FAM163A: variants seen among roughly 807,000 people sequenced by gnomAD.
FAM163A encodes the protein protein FAM163A.
FAM163A carries 7 observed loss-of-function variants against 12.0 expected under a neutral mutation model. The observed-to-expected ratio is 0.58, with a 90% CI of 0.33 to 1.10. The LOEUF is 1.10. FAM163A is among the 50% of genes least tolerant of loss of function. The pLI, the probability that FAM163A is intolerant of heterozygous loss-of-function variation, is 0.03. For synonymous variants in FAM163A, 101 were observed against 91.0 expected (o/e 1.11, Z -0.62); for missense variants, 202 against 218.6 (o/e 0.92, Z 0.48).
chr1:179,801,820 G>C (rs1482251160), intron 1 of FAM163A, among the ~76,000 whole-genome samples: 1 of 152,232 alleles, frequency 6.6e-6, no homozygotes, highest in African/African-American at 2.4e-5. Flanking sequence ...AGAATGTGCA[G>C]ATACCAGGCA....
intron 1 of FAM163A, among the ~76,000 whole-genome samples, chr1:179,791,521 C>T (rs905236432): frequency 1.3e-5 from 2 of 151,736 alleles, no homozygotes; most frequent in Non-Finnish European, 2.9e-5. Flanking sequence ...ACATGAGGCT[C>T]CTAAGGGGTA....
intron 1 of FAM163A, among the ~76,000 whole-genome samples, chr1:179,793,188 C>G (rs570812153): frequency 6.6e-6 from 1 of 152,260 alleles, no homozygotes; most frequent in African/African-American, 2.4e-5. Flanking sequence ...GTTTCTTCAA[C>G]CATTGCTCAC....
In FAM163A at chr1:179,797,867, C is replaced by T. The variant is rs185588893; in HGVS notation, c.-135-9931C>T. 3.3e-5 allele frequency among the ~76,000 whole-genome samples: 5 copies of T among 152,232 alleles called. No homozygotes were observed. In the East Asian group the frequency reaches 7.7e-4, roughly 24 times the overall value. Reference sequence around the variant, plus strand: ...GAATGAGTTGAGAATTACTAAACCCCTATGTGGAATAGGAACCATATGTGT... The same window carrying T: ...GAATGAGTTGAGAATTACTAAACCCTTATGTGGAATAGGAACCATATGTGT... On this transcript the variant is annotated intron_variant, in intron 1 of 4. Transcript: ENST00000341785.
rs1298213213 is a variant in FAM163A at position 179,755,802 on chromosome 1, T to A, written c.-136+12379T>A. On this transcript the variant is annotated intron_variant, in intron 1 of 4. Coordinates refer to ENST00000341785, the MANE Select transcript of FAM163A (RefSeq NM_173509.3). ...CAGATGAGTGCCCATGGATTCAAGGTCTCCGAACTTAGCTGAGTCCTCATG... is the reference window on the plus strand; with the variant it reads ...CAGATGAGTGCCCATGGATTCAAGGACTCCGAACTTAGCTGAGTCCTCATG... Among the ~76,000 whole-genome samples the A allele has an allele frequency of 3.9e-5, 6 of 151,986 alleles. No homozygotes were observed. The South Asian group carries it at 1.2e-3, about 32-fold the overall frequency.
intron 1 of FAM163A, among the ~76,000 whole-genome samples, chr1:179,758,477 GC>G (rs1686346560): frequency 6.6e-6 from 1 of 152,100 alleles, no homozygotes; most frequent in Non-Finnish European, 1.5e-5. Flanking sequence ...CTTTCTCTCT[GC>G]CCCAGCTTTA....
chr1:179,807,501 C>T (rs79470281), intron 1 of FAM163A, among the ~76,000 whole-genome samples: 277 of 152,320 alleles, frequency 1.8e-3, no homozygotes, highest in Non-Finnish European at 3.4e-3. Flanking sequence ...CCCCACTCGC[C>T]GTCACCTCCC....
At chr1:179,811,719 T>C (rs1694729133) in intron 2 of FAM163A, among the ~76,000 whole-genome samples, 1 of 152,198 alleles carries the variant, frequency 6.6e-6, no homozygotes, top group Non-Finnish European at 1.5e-5. Flanking sequence ...GTGCATAGCT[T>C]TGTGAGCACA....
chr1:179,797,109 G>A (rs1217330233), intron 1 of FAM163A, among the ~76,000 whole-genome samples: 4 of 152,236 alleles, frequency 2.6e-5, no homozygotes, highest in South Asian at 4.1e-4. Flanking sequence ...CAGAGCCGTC[G>A]CAGGACTGCC....
chr1:179,807,403 G>A (rs1694089420), intron 1 of FAM163A, among the ~76,000 whole-genome samples: 1 of 152,096 alleles, frequency 6.6e-6, no homozygotes, highest in South Asian at 2.1e-4. Flanking sequence ...TTAAGAGCAG[G>A]GTCAGTCATG....
chr1:179,772,759 C>T (rs938917813), intron 1 of FAM163A, among the ~76,000 whole-genome samples: 1 of 151,854 alleles, frequency 6.6e-6, no homozygotes, highest in Admixed American at 6.6e-5. Context: ...TCTAACAGCT[C>T]CATGGTGTCA....
chr1:179,774,421 T>A (rs571672028), intron 1 of FAM163A, among the ~76,000 whole-genome samples: 14 of 152,358 alleles, frequency 9.2e-5, no homozygotes, highest in African/African-American at 3.1e-4. Context: ...AGGGGTTTCA[T>A]GAATTTTCTA....
At chr1:179,731,550 G>C in the FAM163A span, among the ~76,000 whole-genome samples, 1 of 152,216 alleles carries the variant, frequency 6.6e-6, no homozygotes, top group Non-Finnish European at 1.5e-5. Context: ...GTAAATTTAT[G>C]TGATAGATTT....
At chr1:179,797,550 A>ATTATAT (rs1692508217) in intron 1 of FAM163A, among the ~76,000 whole-genome samples, 2 of 152,204 alleles carry the variant, frequency 1.3e-5, no homozygotes, top group Non-Finnish European at 2.9e-5. Flanking sequence ...TATATTATAT[A>ATTATAT]CTTGAAAATT....
At chr1:179,757,882 T>A (rs978316715) in intron 1 of FAM163A, among the ~76,000 whole-genome samples, 3 of 152,124 alleles carry the variant, frequency 2.0e-5, no homozygotes, top group African/African-American at 7.2e-5. Flanking sequence ...AGAACAAAGG[T>A]TTAGAATAGT....
chr1:179,803,747 T>C (rs1403490811), intron 1 of FAM163A, among the ~76,000 whole-genome samples: 2 of 151,672 alleles, frequency 1.3e-5, no homozygotes, highest in East Asian at 3.9e-4. Context: ...TTTTGTGTTT[T>C]TAATAGAGAC....
intron 1 of FAM163A, among the ~76,000 whole-genome samples, chr1:179,776,026 G>A (rs968291660): frequency 1.3e-5 from 2 of 152,166 alleles, no homozygotes; most frequent in African/African-American, 4.8e-5. Context: ...TGGCATTAGG[G>A]AGATTGTTAC....
At chr1:179,790,665 G>C (rs1408906571) in intron 1 of FAM163A, among the ~76,000 whole-genome samples, 1 of 152,082 alleles carries the variant, frequency 6.6e-6, no homozygotes, top group Admixed American at 6.6e-5. Flanking sequence ...TTAGGATTAG[G>C]TCAGATCACT....
intron 1 of FAM163A, among the ~76,000 whole-genome samples, chr1:179,759,244 G>A (rs767288437): frequency 2.0e-5 from 3 of 152,156 alleles, no homozygotes; most frequent in Non-Finnish European, 4.4e-5. Context: ...AGCCAAAAAT[G>A]TGTTCAGACA....
At position 179,748,717 on chromosome 1, in the gene FAM163A, C is replaced by T. The variant is rs71569268; in HGVS notation, c.-136+5294C>T. On this transcript the variant is annotated intron_variant, in intron 1 of 4. Transcript: ENST00000341785. Reference sequence around the variant, plus strand: ...AGGAACTCTGATAAATTATTAAGTCCGTCTTGGAGAAGGTGATTTTTGAAC... The same window carrying T: ...AGGAACTCTGATAAATTATTAAGTCTGTCTTGGAGAAGGTGATTTTTGAAC... Among the ~76,000 whole-genome samples, 1,044 of 152,200 alleles carry T rather than the reference C, an allele frequency of 6.9e-3. 7 individuals are homozygous for T. Among genetic ancestry groups the T allele is most frequent in the Non-Finnish European group, 9.5e-3 (646 of 68,006 alleles).
Sources: gnomAD v4.1 joint callset for allele counts (sites outside exome capture counted in the v4.1 genomes callset) on GRCh38, gnomAD v4.1.1 for gene constraint, MANE v1.5 for transcripts, NCBI Gene and HGNC (gene_info 2026-07-23, HGNC 2026-07-21) for gene names.